PDE10A: variants seen among roughly 807,000 people sequenced by gnomAD.
PDE10A encodes cAMP and cAMP-inhibited cGMP 3',5'-cyclic phosphodiesterase 10A.
PDE10A carries 39 observed loss-of-function variants against 97.7 expected under a neutral mutation model. The observed-to-expected ratio is 0.40, with a 90% confidence interval of 0.31 to 0.52. The LOEUF is 0.52. Among genes scored for constraint, PDE10A ranks in the 20% least tolerant of loss-of-function variants. The pLI, the probability that PDE10A is intolerant of heterozygous loss-of-function variation, is 0.56. For missense variants in PDE10A, 731 were observed against 1,047.8 expected (o/e 0.70, Z 4.17); for synonymous variants, 371 against 376.8 (o/e 0.98, Z 0.18).
At position 165,419,609 on chromosome 6, in the gene PDE10A, C is replaced by T. The variant is rs949219250; in HGVS notation, c.1654-832G>A. On this transcript the variant is annotated intron_variant, in intron 10 of 21. Coordinates refer to ENST00000539869, the MANE Select transcript of PDE10A (RefSeq NM_001385079.1). ...TGGAAACCATGTATTCATTTCATTA[C>T]TCATTTGTTCTTCCATTTCCTTCAA... Among the ~76,000 whole-genome samples, 142 of 152,142 alleles carry T rather than the reference C, an allele frequency of 9.3e-4. 1 individual carries two copies. The highest frequency in any genetic ancestry group is 3.4e-3 in the African/African-American group (140 of 41,428).
chr6:165,428,805 TA>T, intron 9 of PDE10A, 96 bp from the exon 10 acceptor site: 1 of 533,260 alleles, frequency 1.9e-6, no homozygotes, highest in Non-Finnish European at 3.3e-6. Flanking sequence ...TACATTTAAA[TA>T]AAAAACCATA....
chr6:165,545,286 C>T lies in PDE10A; in HGVS notation c.866-1718G>A, dbSNP rs1166889564. On this transcript the variant is annotated intron_variant, in intron 1 of 21. Coordinates refer to ENST00000539869, the MANE Select transcript of PDE10A (RefSeq NM_001385079.1). Reference sequence around the variant, plus strand: ...GGAATCTTAACATATTTTTAATCTCCAGTCTAGCTACTTTCCCATCACCTC... The same window carrying T: ...GGAATCTTAACATATTTTTAATCTCTAGTCTAGCTACTTTCCCATCACCTC... The T allele has an allele frequency of 4.4e-5, 21 of 472,354 alleles. No homozygotes were observed. In the Admixed American group the frequency reaches 4.9e-4, roughly 11 times the overall value. 29.3% of individuals were successfully genotyped at this position (472,354 alleles called of 1,614,324 possible). A position where few individuals can be genotyped will look rare whatever the true frequency, so the allele number is the denominator to read the frequency against.
At chr6:165,977,854 A>G (rs1258592171) in intron 1 of PDE10A, among the ~76,000 whole-genome samples, 1 of 152,238 alleles carries the variant, frequency 6.6e-6, no homozygotes, top group Non-Finnish European at 1.5e-5. Flanking sequence ...ATGTCCACCA[A>G]TAGTAGAAAA....
chr6:165,330,148 C>T lies in PDE10A; in HGVS notation c.*2877G>A, dbSNP rs1484292835. ...ATAAAACTTGTCTATTATAAACCAA[C>T]ATAACCAACAAAAGTATCTGCAAAT... On this transcript the variant is annotated 3_prime_UTR_variant, in exon 22 of 22. Transcript: ENST00000539869. 1 of 152,138 alleles carries T rather than the reference C, an allele frequency of 6.6e-6. No homozygotes were observed. Among genetic ancestry groups the T allele is most frequent in the Admixed American group, 6.5e-5 (1 of 15,272 alleles). The allele number at this position is 152,138 out of a possible 1,614,324, so 9.4% of individuals were successfully genotyped here.
At chr6:165,955,625 C>T (rs193264931) in intron 1 of PDE10A, among the ~76,000 whole-genome samples, 8 of 152,236 alleles carry the variant, frequency 5.3e-5, no homozygotes, top group Non-Finnish European at 8.8e-5. Context: ...ATTAGAAAAT[C>T]TTAATATGGG....
Position 165,933,322 on chromosome 6 carries a change from G to T in PDE10A, c.-615+54207C>A, listed in dbSNP as rs548948951. ...AAGCTTGATGGACCCACAGGAGAGAGAAACTAAAACCTACTTCTCTTTTTA... is the reference window on the plus strand; with the variant it reads ...AAGCTTGATGGACCCACAGGAGAGATAAACTAAAACCTACTTCTCTTTTTA... On this transcript the variant is annotated intron_variant, in intron 1 of 19. Coordinates refer to the PDE10A transcript ENST00000366882. Among the ~76,000 whole-genome samples, 3 of 152,306 alleles carry T rather than the reference G, an allele frequency of 2.0e-5. No individual in the cohort carries two copies. The East Asian group carries it at 5.8e-4, about 29-fold the overall frequency.
At chr6:165,615,141 C>A (rs568590279) in intron 1 of PDE10A, among the ~76,000 whole-genome samples, 1 of 145,312 alleles carries the variant, frequency 6.9e-6, no homozygotes, top group Non-Finnish European at 1.5e-5. Flanking sequence ...ACCCAGGAGG[C>A]GGAGGTTGCA....
chr6:165,934,469 C>T (rs765997080), intron 1 of PDE10A, among the ~76,000 whole-genome samples: 1 of 151,950 alleles, frequency 6.6e-6, no homozygotes, highest in Non-Finnish European at 1.5e-5. Context: ...AATTTTCAAA[C>T]TAGTGACAAA....
At chr6:165,376,837 G>A (rs1784632405) in intron 18 of PDE10A, among the ~76,000 whole-genome samples, 1 of 152,098 alleles carries the variant, frequency 6.6e-6, no homozygotes, top group Admixed American at 6.5e-5. Flanking sequence ...GAGGATCCCT[G>A]GCGCCCAGGA....
At chr6:165,682,365 T>C (rs1583772784) in intron 1 of PDE10A, among the ~76,000 whole-genome samples, 1 of 152,026 alleles carries the variant, frequency 6.6e-6, no homozygotes, top group East Asian at 1.9e-4. Flanking sequence ...AACTCCTGAG[T>C]TCAAGCAATC....
At chr6:165,570,991 TAGTG>T (rs992172511) in intron 1 of PDE10A, among the ~76,000 whole-genome samples, 10 of 152,204 alleles carry the variant, frequency 6.6e-5, no homozygotes, top group African/African-American at 2.4e-4. Context: ...AAATCAATTT[TAGTG>T]AGTAAGCAAA....
At chr6:165,743,817 G>A (rs1196929826) in intron 1 of PDE10A, among the ~76,000 whole-genome samples, 3 of 152,186 alleles carry the variant, frequency 2.0e-5, no homozygotes, top group Admixed American at 2.0e-4. Context: ...GTTAGTAAGT[G>A]GTACTATCTT....
chr6:165,557,616 T>TAA (rs200433679), intron 1 of PDE10A, among the ~76,000 whole-genome samples: 1,942 of 149,834 alleles, frequency 0.013, 40 homozygotes, highest in African/African-American at 0.047. Context: ...TCTACATAAA[T>TAA]AAGCTGTCAT....
chr6:165,719,322 A>G (rs1284506178), intron 1 of PDE10A, among the ~76,000 whole-genome samples: 1 of 152,244 alleles, frequency 6.6e-6, no homozygotes, highest in Non-Finnish European at 1.5e-5. Flanking sequence ...CATTATCGGC[A>G]GGGATCCAAA....
chr6:165,529,980 G>T (rs1457188905), intron 2 of PDE10A, among the ~76,000 whole-genome samples: 1 of 152,118 alleles, frequency 6.6e-6, no homozygotes, highest in Non-Finnish European at 1.5e-5. Context: ...ATTAACATTT[G>T]AGTTAGTAGG....
At chr6:165,657,335 A>G (rs1790016707) in intron 1 of PDE10A, among the ~76,000 whole-genome samples, 1 of 152,270 alleles carries the variant, frequency 6.6e-6, no homozygotes, top group South Asian at 2.1e-4. Flanking sequence ...ACTTAGAGAA[A>G]TGATCAGCTG....
intron 12 of PDE10A, 46 bp downstream of exon 12, chr6:165,416,143 C>T: frequency 8.3e-7 from 1 of 1,204,026 alleles, no homozygotes; most frequent in Non-Finnish European, 1.2e-6. Context: ...CTGAGTGGGA[C>T]ATCACAGAAG....
At chr6:165,604,988 AC>A (rs1322820430) in intron 1 of PDE10A, among the ~76,000 whole-genome samples, 2 of 152,080 alleles carry the variant, frequency 1.3e-5, no homozygotes, top group African/African-American at 4.8e-5. Flanking sequence ...ATTACAAACA[AC>A]CCTCCAGTCA....
intron 1 of PDE10A, among the ~76,000 whole-genome samples, chr6:165,928,198 A>G (rs1284418278): frequency 6.6e-6 from 1 of 152,112 alleles, no homozygotes; most frequent in East Asian, 1.9e-4. Flanking sequence ...AAGGGGGAAA[A>G]CATGGGTCCT....
Sources: gnomAD v4.1 joint callset for allele counts (sites outside exome capture counted in the v4.1 genomes callset) on GRCh38, gnomAD v4.1.1 for gene constraint, MANE v1.5 for transcripts, NCBI Gene and HGNC (gene_info 2026-07-23, HGNC 2026-07-21) for gene names.